IGSF3: variants seen among roughly 807,000 people sequenced by gnomAD.
The protein encoded by IGSF3 is glu-Trp-Ile EWI motif-containing protein 3.
In IGSF3, 23 loss-of-function variants were observed where a neutral mutation model predicts 114.4. The observed-to-expected ratio is 0.20, with a 90% CI of 0.14 to 0.28. IGSF3 has a LOEUF of 0.28. IGSF3 is among the 10% of genes least tolerant of loss of function. The probability of loss-of-function intolerance (pLI) is 1.00; values close to 1 mark genes in which losing one functional copy is unlikely to be tolerated. For missense variants in IGSF3, 1,172 were observed against 1,591.5 expected, an observed-to-expected ratio of 0.74 and a Z score of 4.48; for synonymous variants, 571 against 645.2, an observed-to-expected ratio of 0.88 and a Z score of 1.74.
At position 116,665,772 on chromosome 1, in the gene IGSF3, T is replaced by C. The variant is rs1208249214; in HGVS notation, c.43+512A>G. Reference sequence around the variant, plus strand: ...GACTAGTGCCCTCACATTTTTAGCCTTCAGACCACTCAGGTAGGCAAAGCA... The same window carrying C: ...GACTAGTGCCCTCACATTTTTAGCCCTCAGACCACTCAGGTAGGCAAAGCA... On this transcript the variant is annotated intron_variant, in intron 2 of 10. Transcript: ENST00000369486. The surrounding 1 kb of genome is among the most constrained non-coding windows in gnomAD (Gnocchi z 4.0). Among the ~76,000 whole-genome samples, 3 of 152,158 alleles carry C rather than the reference T, an allele frequency of 2.0e-5. No homozygotes were observed. Among genetic ancestry groups the C allele is most frequent in the Non-Finnish European group, 4.4e-5 (3 of 68,028 alleles).
chr1:116,628,547 C>T lies in IGSF3; in HGVS notation c.44-12090G>A, dbSNP rs1323062179. Among the ~76,000 whole-genome samples, 1 of 152,150 alleles carries T rather than the reference C, an allele frequency of 6.6e-6. No homozygotes were observed. Among genetic ancestry groups the T allele is most frequent in the African/African-American group, 2.4e-5 (1 of 41,422 alleles). The stretch of plus-strand genomic sequence containing the variant: ...ATATAACCACTTTGGGCAACAGGGA[C>T]TGTGAAGGGCCCCCAAACCATTCCC... On this transcript the variant is annotated intron_variant, in intron 2 of 10. Coordinates refer to ENST00000369486, the MANE Select transcript of IGSF3 (RefSeq NM_001007237.3). The surrounding 1 kb of genome is among the most constrained non-coding windows in gnomAD (Gnocchi z 4.2).
Position 116,608,012 on chromosome 1 carries a change from G to A in IGSF3, c.1152C>T (p.Thr384=), listed in dbSNP as rs752361494. ...CCTTATCAATGAATTCCCCGGTCAC[G>A]GTTTTCTCTCGCTCAGTCACCCGGC... The part of the protein sequence containing the change: ...YNCRVTEREK[T]VTGEFIDKES... The change falls in exon 5 of 11, where the codon ACC becomes ACT. Residue 384 remains threonine, a synonymous_variant. Transcript: ENST00000369486. The A allele has an allele frequency of 9.3e-6, 15 of 1,613,780 alleles. No homozygotes were observed. The highest frequency in any genetic ancestry group is 3.3e-5 in the South Asian group (3 of 91,080).
rs544979436 is a variant in IGSF3 at position 116,664,819 on chromosome 1, G to A, written c.43+1465C>T. Among the ~76,000 whole-genome samples, 11 of 152,304 alleles carry A rather than the reference G, an allele frequency of 7.2e-5. 1 individual carries two copies. The East Asian group carries it at 1.5e-3, about 21-fold the overall frequency. ...ATGCGTTGGGTGGTAGGGCACTGGC[G>A]CTAGTGAACTCACCCACTGGTTCTC... On this transcript the variant is annotated intron_variant, in intron 2 of 10. Transcript: ENST00000369486. The surrounding 1 kb of genome is among the most constrained non-coding windows in gnomAD (Gnocchi z 4.6).
In IGSF3 at chr1:116,638,766, T is replaced by A. The variant is rs535356641; in HGVS notation, c.44-22309A>T. Among the ~76,000 whole-genome samples, 63 of 152,020 alleles carry A rather than the reference T, an allele frequency of 4.1e-4. No individual in the cohort carries two copies. Among genetic ancestry groups the A allele is most frequent in the African/African-American group, 1.5e-3 (62 of 41,470 alleles). On this transcript the variant is annotated intron_variant, in intron 2 of 10. Transcript: ENST00000369486. The surrounding 1 kb of genome is among the most constrained non-coding windows in gnomAD (Gnocchi z 4.1). ...GGACCAGCTAACTCCTACAGCAGAG[T>A]CTTGCCAGGCCCTCCCCTAATTGCT...
intron 2 of IGSF3, among the ~76,000 whole-genome samples, chr1:116,623,264 C>G (rs1661475538): frequency 6.6e-6 from 1 of 152,204 alleles, no homozygotes; most frequent in South Asian, 2.1e-4. Context: ...GACACTGTTC[C>G]AAGTACTCTG....
In IGSF3 at chr1:116,596,148, C is replaced by T. The variant is rs1173151791; in HGVS notation, c.2029+3793G>A. On this transcript the variant is annotated intron_variant, in intron 7 of 10. Coordinates refer to ENST00000369486, the MANE Select transcript of IGSF3 (RefSeq NM_001007237.3). This position sits in a 1 kb window ranked among gnomAD's most constrained non-coding sequence, Gnocchi z 4.1. ...GATCAGCAGGTGGCTCCAGCAGGGA[C>T]GAGTCTGGGGCACAGACCACAAAGA... 7.9e-5 allele frequency among the ~76,000 whole-genome samples: 12 copies of T among 152,280 alleles called. No homozygotes were observed. The highest frequency in any genetic ancestry group is 2.2e-4 in the African/African-American group (9 of 41,552).
chr1:116,655,708 A>C lies in IGSF3; in HGVS notation c.43+10576T>G, dbSNP rs1648818331. ...TTCTGGTCCATGAACAAACAAGAAC[A>C]CTTAACTGAATTAGACACAAAACTA... On this transcript the variant is annotated intron_variant, in intron 2 of 10. Coordinates refer to ENST00000369486, the MANE Select transcript of IGSF3 (RefSeq NM_001007237.3). This position sits in a 1 kb window ranked among gnomAD's most constrained non-coding sequence, Gnocchi z 4.3. Among the ~76,000 whole-genome samples, 1 of 152,214 alleles carries C rather than the reference A, an allele frequency of 6.6e-6. No individual in the cohort carries two copies. The highest frequency in any genetic ancestry group is 1.5e-5 in the Non-Finnish European group (1 of 68,034).
Position 116,627,605 on chromosome 1 carries a change from C to T in IGSF3, c.44-11148G>A, listed in dbSNP as rs1647354464. Among the ~76,000 whole-genome samples, 1 of 152,242 alleles carries T rather than the reference C, an allele frequency of 6.6e-6. No individual in the cohort carries two copies. Among genetic ancestry groups the T allele is most frequent in the Admixed American group, 6.5e-5 (1 of 15,290 alleles). Reference sequence around the variant, plus strand: ...CCCTGCTGACAACAGGCCGGGAGCGCATCTGCAGGCAGCGTCAGGATGTCA... The same window carrying T: ...CCCTGCTGACAACAGGCCGGGAGCGTATCTGCAGGCAGCGTCAGGATGTCA... On this transcript the variant is annotated intron_variant, in intron 2 of 10. Transcript: ENST00000369486. The surrounding 1 kb of genome is among the most constrained non-coding windows in gnomAD (Gnocchi z 4.7).
rs141418874 is a variant in IGSF3, at chr1:116,579,733, C to G, written c.2993G>C (p.Gly998Ala). 872 of 1,614,110 alleles carry G rather than the reference C, an allele frequency of 5.4e-4. 5 individuals carry two copies. The African/African-American group carries it at 0.01, about 19-fold the overall frequency. ...VAWYSLRTKA[G>A]GKRSSPGLEE... ...CAGGCCAGGGCTGCTCCTTTTCCCC[C>G]CAGCTTTAGTCCTCAGGGAATACCA... The change falls in exon 10 of 11, where the codon GGG (glycine) becomes GCG (alanine). Residue 998 changes from glycine (G) to alanine (A), a missense_variant. By Grantham distance (60) the Gly-to-Ala change is moderately conservative. This residue lies in a region of IGSF3 where 423 missense variants were observed against 509.8 expected (regional missense o/e 0.83). Transcript: ENST00000369486. The surrounding 1 kb of genome is among the most constrained non-coding windows in gnomAD (Gnocchi z 6.4).
At chr1:116,659,973 A>G (rs579817) in intron 2 of IGSF3, among the ~76,000 whole-genome samples, 126,309 of 152,134 alleles carry the variant, frequency 0.83, 53,123 homozygotes, top group African/African-American at 0.94. Context: ...CTGCACACCC[A>G]AAGCCAGGGA....
intron 2 of IGSF3, among the ~76,000 whole-genome samples, chr1:116,659,666 G>C (rs1350002395): frequency 6.6e-6 from 1 of 152,116 alleles, no homozygotes; most frequent in Non-Finnish European, 1.5e-5. Context: ...CCAGGCTAGA[G>C]TGCAGTAGTG....
chr1:116,604,247 T>G (rs1660710074), intron 5 of IGSF3, among the ~76,000 whole-genome samples: 3 of 152,212 alleles, frequency 2.0e-5, no homozygotes, highest in Admixed American at 1.3e-4. Flanking sequence ...CTTTGCCATG[T>G]GCAGAGAACT....
At chr1:116,653,425 C>T (rs964727842) in intron 2 of IGSF3, among the ~76,000 whole-genome samples, 5 of 152,182 alleles carry the variant, frequency 3.3e-5, no homozygotes, top group Non-Finnish European at 5.9e-5. Context: ...TACTTACTTC[C>T]CCCCAAATCA....
intron 4 of IGSF3, among the ~76,000 whole-genome samples, chr1:116,608,748 G>C (rs1041338264): frequency 6.6e-6 from 1 of 152,094 alleles, no homozygotes; most frequent in Non-Finnish European, 1.5e-5. Flanking sequence ...ATTTTCAGCA[G>C]ATATTGTAAG....
chr1:116,649,355 T>C lies in IGSF3; in HGVS notation c.43+16929A>G, dbSNP rs533279793. ...AAATCTGGAGTATGTGCATGTCTAG[T>C]GAGTTGCCTCTACCACATCCTCTTA... On this transcript the variant is annotated intron_variant, in intron 2 of 10. Coordinates refer to ENST00000369486, the MANE Select transcript of IGSF3 (RefSeq NM_001007237.3). The surrounding 1 kb of genome is among the most constrained non-coding windows in gnomAD (Gnocchi z 4.5). 7.4e-4 allele frequency among the ~76,000 whole-genome samples: 113 copies of C among 152,400 alleles called. No individual in the cohort carries two copies. Among genetic ancestry groups the C allele is most frequent in the African/African-American group, 2.5e-3 (102 of 41,594 alleles).
At chr1:116,653,278 G>C (rs1334881812) in intron 2 of IGSF3, among the ~76,000 whole-genome samples, 5 of 152,206 alleles carry the variant, frequency 3.3e-5, no homozygotes, top group Admixed American at 2.0e-4. Context: ...ATATGCAGAA[G>C]AAAACAAGAG....
Position 116,588,755 on chromosome 1 carries a change from G to A in IGSF3, c.2379C>T (p.Tyr793=), listed in dbSNP as rs61731640. ...HVEEWLLSPN[Y]AWYKLAEEVS... ...CCTCCTCTGCCAGCTTGTACCAGGC[G>A]TAGTTGGGGCTCAGCAGCCACTCCT... The change falls in exon 8 of 11, where the codon TAC becomes TAT. Residue 793 remains tyrosine, a synonymous_variant. Transcript: ENST00000369486. This position sits in a 1 kb window ranked among gnomAD's most constrained non-coding sequence, Gnocchi z 4.9. 3.7e-4 allele frequency: 604 copies of A among 1,613,966 alleles called. 2 individuals are homozygous for A. In the African/African-American group the frequency reaches 5.0e-3, roughly 13 times the overall value.
rs1649406395 is a variant in IGSF3 at position 116,667,698 on chromosome 1, T to G, written c.-711A>C. 1.3e-5 allele frequency: 2 copies of G among 151,438 alleles called. No homozygotes were observed. Among genetic ancestry groups the G allele is most frequent in the Admixed American group, 1.3e-4 (2 of 15,206 alleles). The allele number at this position is 151,438 out of a possible 1,614,324, so 9.4% of individuals were successfully genotyped here. A position where few individuals can be genotyped will look rare whatever the true frequency, so the allele number is the denominator to read the frequency against. On this transcript the variant is annotated 5_prime_UTR_variant, in exon 1 of 11. Coordinates refer to ENST00000369486, the MANE Select transcript of IGSF3 (RefSeq NM_001007237.3). ...GCGCACGCCTCAGGGGACGCGCCGC[T>G]TCCTCTTCTCCCGCAACGGCACCAG...
rs937936913 is a variant in IGSF3 at position 116,617,370 on chromosome 1, G to A, written c.44-913C>T. The A allele has an allele frequency of 8.1e-6, 8 of 985,320 alleles. No homozygotes were observed. The East Asian group carries it at 4.5e-4, about 56-fold the overall frequency. The allele number at this position is 985,320 out of a possible 1,614,324, so 61.0% of individuals were successfully genotyped here. On this transcript the variant is annotated intron_variant, in intron 2 of 10. Coordinates refer to ENST00000369486, the MANE Select transcript of IGSF3 (RefSeq NM_001007237.3). ...ATTGTGCCTGAGCCACTCAGAAGGC[G>A]GGAGGGGGCACAACCCTGCCTCTTC...
Sources: gnomAD v4.1 joint callset for allele counts (sites outside exome capture counted in the v4.1 genomes callset) on GRCh38, gnomAD v4.1.1 for gene constraint, gnomAD v4.1.1 regional missense constraint, Gnocchi (gnomAD v3.1) non-coding constraint, MANE v1.5 for transcripts, NCBI Gene and HGNC (gene_info 2026-07-23, HGNC 2026-07-21) for gene names.